The following CTNNAL1 variants were observed in gnomAD, a reference collection of about 807,000 sequenced individuals.
The protein encoded by CTNNAL1 is catenin alpha like 1, also known as alpha-catulin.
CTNNAL1 carries 69 observed loss-of-function variants against 93.6 expected under a neutral mutation model. The observed-to-expected ratio is 0.74, with a 90% CI of 0.61 to 0.90. The LOEUF (loss-of-function observed/expected upper bound fraction) is 0.90. Ranked by LOEUF, CTNNAL1 falls within the 40% of genes least tolerant of loss-of-function variation. CTNNAL1 has a pLI of 0.00. For synonymous variants in CTNNAL1, 286 were observed against 305.4 expected, an observed-to-expected ratio of 0.94 and a Z score of 0.66; for missense variants, 836 against 862.0, an observed-to-expected ratio of 0.97 and a Z score of 0.38.
intron 9 of CTNNAL1, among the ~76,000 whole-genome samples, chr9:108,970,852 T>G (rs563159770): frequency 1.1e-4 from 17 of 152,198 alleles, no homozygotes; most frequent in African/African-American, 3.6e-4. Flanking sequence ...GAGAAGTAAC[T>G]TGCCCAAGGT....
At chr9:109,011,776 G>A (rs1277420467) in intron 1 of CTNNAL1, among the ~76,000 whole-genome samples, 1 of 152,168 alleles carries the variant, frequency 6.6e-6, no homozygotes, top group Non-Finnish European at 1.5e-5. Context: ...CCCATACCAC[G>A]AGAATATATA....
At chr9:108,992,179 T>C in intron 3 of CTNNAL1, 3 of 611,070 alleles carry the variant, frequency 4.9e-6, no homozygotes, top group Admixed American at 5.7e-5. Context: ...TTGTACACAT[T>C]TAAAGCTTTT....
At position 109,013,471 on chromosome 9, in the gene CTNNAL1, T is replaced by C; in HGVS notation, c.-29A>G. The C allele has an allele frequency of 7.5e-7, 1 of 1,339,342 alleles. No homozygotes were observed. The highest frequency in any genetic ancestry group is 9.6e-7 in the Non-Finnish European group (1 of 1,039,196). 83.0% of individuals were successfully genotyped at this position (1,339,342 alleles called of 1,614,324 possible). A position where few individuals can be genotyped will look rare whatever the true frequency, so the allele number is the denominator to read the frequency against. ...CCTCGGTCTATCCCGCAGCCGGGAC[T>C]CCGCGCCGCGGCGAGCCTGCCGCCA... On this transcript the variant is annotated 5_prime_UTR_variant, in exon 1 of 19. Coordinates refer to ENST00000325551, the MANE Select transcript of CTNNAL1 (RefSeq NM_003798.4).
chr9:109,007,158 C>T (rs1827053348), intron 1 of CTNNAL1, among the ~76,000 whole-genome samples: 1 of 151,964 alleles, frequency 6.6e-6, no homozygotes, highest in African/African-American at 2.4e-5. Flanking sequence ...TTGCTTGAAC[C>T]CAGGAGGTGG....
At chr9:108,989,935 C>T (rs1045183471) in intron 4 of CTNNAL1, among the ~76,000 whole-genome samples, 1 of 152,064 alleles carries the variant, frequency 6.6e-6, no homozygotes, top group Non-Finnish European at 1.5e-5. Flanking sequence ...CCTGTAGTCC[C>T]AGCTACTCGG....
chr9:108,942,743 TC>T lies in CTNNAL1; in HGVS notation c.*25del. Reference sequence around the variant, plus strand: ...AAATGTCAGCTTCATCACATGATGTTCCAGAGATCTGACCCCAAAAGCTTCT... The same window carrying T: ...AAATGTCAGCTTCATCACATGATGTTCAGAGATCTGACCCCAAAAGCTTCT... On this transcript the variant is annotated 3_prime_UTR_variant, in exon 19 of 19. Coordinates refer to ENST00000325551, the MANE Select transcript of CTNNAL1 (RefSeq NM_003798.4). 1 of 1,394,482 alleles carries T rather than the reference TC, an allele frequency of 7.2e-7. No homozygotes were observed. 86.4% of individuals were successfully genotyped at this position (1,394,482 alleles called of 1,614,324 possible). A position where few individuals can be genotyped will look rare whatever the true frequency, so the allele number is the denominator to read the frequency against.
chr9:108,993,288 G>T (rs1388437040), intron 2 of CTNNAL1, among the ~76,000 whole-genome samples: 1 of 152,214 alleles, frequency 6.6e-6, no homozygotes. Flanking sequence ...GGTTTTCACG[G>T]ATCCTCAGAG....
At chr9:108,944,445 C>T (rs1006199784) in intron 15 of CTNNAL1, among the ~76,000 whole-genome samples, 3 of 152,212 alleles carry the variant, frequency 2.0e-5, no homozygotes, top group Admixed American at 6.5e-5. Flanking sequence ...AAATTTGTCA[C>T]CCATACATAT....
Position 108,990,772 on chromosome 9 carries a change from C to G in CTNNAL1, c.593G>C (p.Gly198Ala), listed in dbSNP as rs770823414. 3.1e-6 allele frequency: 5 copies of G among 1,613,646 alleles called. No homozygotes were observed. The highest frequency in any genetic ancestry group is 4.2e-6 in the Non-Finnish European group (5 of 1,179,878). Residue 198 changes from glycine to alanine, a missense_variant, in exon 4 of 19, where the codon GGA (glycine) becomes GCA (alanine). Transcript: ENST00000325551. ...ATGTGCAAACTCCACCATTTCATTT[C>G]CAAATTGACTGAATATTTGGACAAA... ...QEFVQIFSQFGNEMVEFAHLS... is the reference protein window; with the variant it reads ...QEFVQIFSQFANEMVEFAHLS...
chr9:108,955,203 C>T (rs1173204578), intron 12 of CTNNAL1, among the ~76,000 whole-genome samples: 1 of 152,074 alleles, frequency 6.6e-6, no homozygotes, highest in East Asian at 1.9e-4. Flanking sequence ...CCAGGCTGGT[C>T]TCAAACTCTT....
intron 6 of CTNNAL1, among the ~76,000 whole-genome samples, chr9:108,982,788 A>G (rs1399799258): frequency 6.6e-6 from 1 of 152,240 alleles, no homozygotes; most frequent in Non-Finnish European, 1.5e-5. Flanking sequence ...TTTAAAATGG[A>G]AAGAAAAGAC....
intron 11 of CTNNAL1, among the ~76,000 whole-genome samples, chr9:108,957,243 T>C (rs1457021464): frequency 6.6e-6 from 1 of 150,604 alleles, no homozygotes; most frequent in Non-Finnish European, 1.5e-5. Context: ...ACCTTCCACC[T>C]CCTGAGTAGC....
At chr9:108,958,996 G>A (rs556198050) in intron 11 of CTNNAL1, among the ~76,000 whole-genome samples, 12 of 151,834 alleles carry the variant, frequency 7.9e-5, no homozygotes, top group African/African-American at 2.9e-4. Flanking sequence ...AGGCACGGTG[G>A]CTCATGTTCA....
At position 108,979,263 on chromosome 9, in the gene CTNNAL1, T is replaced by C. The variant is rs563296465; in HGVS notation, c.1101+18A>G. The C allele has an allele frequency of 6.0e-5, 97 of 1,613,660 alleles. No homozygotes were observed. In the African/African-American group the frequency reaches 1.1e-3, roughly 19 times the overall value. ...GCCATTATATAAGATTTACTTTGAT[T>C]TTAAAAAAAGTTCTTACAGCTTGAA... On this transcript the variant is annotated intron_variant, in intron 7 of 18. Coordinates refer to ENST00000325551, the MANE Select transcript of CTNNAL1 (RefSeq NM_003798.4).
At chr9:109,013,244 C>A (rs1232083404) in intron 1 of CTNNAL1, 58 bp downstream of exon 1, 49 of 1,413,174 alleles carry the variant, frequency 3.5e-5, no homozygotes, top group Non-Finnish European at 4.5e-5. Context: ...CGAGCGGCGG[C>A]CGCCATCGCG....
chr9:108,987,155 G>A (rs996842895), intron 4 of CTNNAL1, among the ~76,000 whole-genome samples: 6 of 152,060 alleles, frequency 3.9e-5, no homozygotes, highest in African/African-American at 1.4e-4. Context: ...GGTTTTTATG[G>A]TTTTAGGTCT....
At chr9:108,959,736 T>C (rs1209359434) in intron 11 of CTNNAL1, among the ~76,000 whole-genome samples, 2 of 152,194 alleles carry the variant, frequency 1.3e-5, no homozygotes, top group Admixed American at 6.5e-5. Flanking sequence ...ATCTGATATA[T>C]AGAATTGTCT....
intron 1 of CTNNAL1, among the ~76,000 whole-genome samples, chr9:109,003,458 G>A (rs1040540256): frequency 1.3e-5 from 2 of 152,314 alleles, no homozygotes; most frequent in Admixed American, 6.5e-5. Context: ...AGAAATCTAC[G>A]CAGCTGCAAA....
chr9:108,970,409 C>T lies in CTNNAL1; in HGVS notation c.1433G>A (p.Gly478Asp), dbSNP rs1349960988. 3 of 1,610,702 alleles carry T rather than the reference C, an allele frequency of 1.9e-6. No individual in the cohort carries two copies. The highest frequency in any genetic ancestry group is 2.5e-6 in the Non-Finnish European group (3 of 1,178,638). ...AATCTGCTATTATCATACCTGTTGG[C>T]CAGTCACCTGAAATGTCTCCTCTGC... ...IHAEETFQVT[G>D]QQIISAAETL... The change falls in exon 10 of 19, where the codon GGC becomes GAC. Residue 478 changes from glycine to aspartate, a missense_variant. Gly to Asp is a moderately conservative substitution (Grantham distance 94). Coordinates refer to ENST00000325551, the MANE Select transcript of CTNNAL1 (RefSeq NM_003798.4).
Sources: allele counts gnomAD v4.1 joint callset (sites outside exome capture counted in the v4.1 genomes callset), GRCh38; gene constraint gnomAD v4.1.1; transcripts MANE v1.5; gene names NCBI Gene and HGNC (gene_info 2026-07-23, HGNC 2026-07-21).